Variants in PROKR1 observed in about 807,000 individuals in gnomAD.
PROKR1 encodes the protein G protein-coupled receptor 73.
PROKR1 carries 21 observed loss-of-function variants against 22.8 expected under a neutral mutation model. The observed-to-expected ratio is 0.92, with a 90% CI of 0.65 to 1.32. The LOEUF is 1.32. Ranked by LOEUF, PROKR1 falls within the 40% of genes most tolerant of loss-of-function variation. The pLI, the probability that PROKR1 is intolerant of heterozygous loss-of-function variation, is 0.00. For missense variants in PROKR1, 548 were observed against 514.2 expected (o/e 1.07, Z -0.64); for synonymous variants, 193 against 207.5 (o/e 0.93, Z 0.60).
chr2:68,652,881 C>A (rs555791167), intron 2 of PROKR1, among the ~76,000 whole-genome samples: 1 of 152,096 alleles, frequency 6.6e-6, no homozygotes, highest in African/African-American at 2.4e-5. Context: ...GGTGGTTGTT[C>A]CTTCCCACAT....
chr2:68,647,942 A>G (rs550414939), intron 2 of PROKR1, among the ~76,000 whole-genome samples: 29 of 152,322 alleles, frequency 1.9e-4, no homozygotes, highest in Non-Finnish European at 3.5e-4. Flanking sequence ...CAAGTAGAGT[A>G]TCTACTTCGT....
At chr2:68,647,951 G>C (rs1006881693) in intron 2 of PROKR1, among the ~76,000 whole-genome samples, 4 of 152,150 alleles carry the variant, frequency 2.6e-5, no homozygotes, top group Non-Finnish European at 5.9e-5. Flanking sequence ...TATCTACTTC[G>C]TAGGTTCCTT....
chr2:68,657,509 A>G lies in PROKR1; in HGVS notation c.*1933A>G, dbSNP rs559306496. 1.3e-5 allele frequency: 2 copies of G among 152,344 alleles called. No homozygotes were observed. The highest frequency in any genetic ancestry group is 3.9e-4 in the East Asian group (2 of 5,184). The allele number at this position is 152,344 out of a possible 1,614,324, so 9.4% of individuals were successfully genotyped here. A position where few individuals can be genotyped will look rare whatever the true frequency, so the allele number is the denominator to read the frequency against. On this transcript the variant is annotated 3_prime_UTR_variant, in exon 3 of 3. Transcript: ENST00000303786. The stretch of plus-strand genomic sequence containing the variant: ...ATGAGTTTAGGGGTTTGGATACTCC[A>G]GAATCGGAGTATCTTTGTGATACTA...
chr2:68,654,786 G>A (rs1432876935), intron 2 of PROKR1, 94 bp from the exon 3 acceptor site: 2 of 1,231,722 alleles, frequency 1.6e-6, no homozygotes, highest in African/African-American at 3.1e-5. Context: ...CAGCCTGGGT[G>A]ACAGAGCAAA....
chr2:68,657,648 T>A lies in PROKR1; in HGVS notation c.*2072T>A, dbSNP rs1388108141. 1 of 151,634 alleles carries A rather than the reference T, an allele frequency of 6.6e-6. No homozygotes were observed. The highest frequency in any genetic ancestry group is 1.5e-5 in the Non-Finnish European group (1 of 68,008). The allele number at this position is 151,634 out of a possible 1,614,324, so 9.4% of individuals were successfully genotyped here. On this transcript the variant is annotated 3_prime_UTR_variant, in exon 3 of 3. Transcript: ENST00000303786. ...CGAGTGTGTAGGCTACAGCGTGGAC[T>A]TGTCTTTTTCTTATTTAACTCTAGA...
In PROKR1 at chr2:68,657,255, G is replaced by A. The variant is rs11126189; in HGVS notation, c.*1679G>A. On this transcript the variant is annotated 3_prime_UTR_variant, in exon 3 of 3. Coordinates refer to ENST00000303786, the MANE Select transcript of PROKR1 (RefSeq NM_138964.4). Reference sequence around the variant, plus strand: ...ACCACACAAGTTATCAAAAGGATGGGCTAGGAACTACGTGTAGTGCGCCTG... The same window carrying A: ...ACCACACAAGTTATCAAAAGGATGGACTAGGAACTACGTGTAGTGCGCCTG... 0.37 allele frequency: 56,675 copies of A among 152,030 alleles called. 11,800 individuals carry two copies. Among genetic ancestry groups the A allele is most frequent in the African/African-American group, 0.57 (23,608 of 41,456 alleles). 9.4% of individuals were successfully genotyped at this position (152,030 alleles called of 1,614,324 possible).
At chr2:68,644,129 C>T (rs747969901) in intron 1 of PROKR1, among the ~76,000 whole-genome samples, 78 of 152,270 alleles carry the variant, frequency 5.1e-4, no homozygotes, top group Middle Eastern at 6.8e-3. Flanking sequence ...GATTGGGGTT[C>T]CCCTCTGAAC....
chr2:68,655,930 G>T lies in PROKR1; in HGVS notation c.*354G>T, dbSNP rs1673445342. ...CAAAAGAACTGGAGTAGGTATCTAG[G>T]ATTGCAGTACATGTGTTCGTAGTGT... On this transcript the variant is annotated 3_prime_UTR_variant, in exon 3 of 3. Transcript: ENST00000303786. The T allele has an allele frequency of 2.7e-6, 1 of 364,798 alleles. No homozygotes were observed. The highest frequency in any genetic ancestry group is 2.3e-5 in the South Asian group (1 of 43,524). The allele number at this position is 364,798 out of a possible 1,614,324, so 22.6% of individuals were successfully genotyped here.
intron 2 of PROKR1, among the ~76,000 whole-genome samples, chr2:68,648,665 T>G (rs1673242363): frequency 2.6e-5 from 4 of 152,246 alleles, no homozygotes. Flanking sequence ...TAGGAATCAT[T>G]AATTTTTCTC....
chr2:68,645,693 A>G lies in PROKR1; in HGVS notation c.-129A>G. On this transcript the variant is annotated 5_prime_UTR_variant, in exon 2 of 3. Transcript: ENST00000303786. ...AATGGAGCTCAGATACCATACCCCAAAGATGCTGGCAGAGACATTCTGACT... is the reference window on the plus strand; with the variant it reads ...AATGGAGCTCAGATACCATACCCCAGAGATGCTGGCAGAGACATTCTGACT... 1 of 1,310,480 alleles carries G rather than the reference A, an allele frequency of 7.6e-7. No individual in the cohort carries two copies. The highest frequency in any genetic ancestry group is 1.1e-6 in the Non-Finnish European group (1 of 921,422). The allele number at this position is 1,310,480 out of a possible 1,614,324, so 81.2% of individuals were successfully genotyped here.
In PROKR1 at chr2:68,655,279, A is replaced by G. The variant is rs894996921; in HGVS notation, c.885A>G (p.Leu295=). ...VLMCILTAYV[L]CWAPFYGFTI... is the part of the protein sequence containing the mutation. ...TGTGCATCCTCACCGCCTACGTGCT[A>G]TGCTGGGCGCCCTTCTACGGCTTCA... Residue 295 remains leucine, a synonymous_variant, in exon 3 of 3, where the codon CTA becomes CTG. Coordinates refer to ENST00000303786, the MANE Select transcript of PROKR1 (RefSeq NM_138964.4). The G allele has an allele frequency of 6.2e-7, 1 of 1,614,246 alleles. No homozygotes were observed. Among genetic ancestry groups the G allele is most frequent in the Non-Finnish European group, 8.5e-7 (1 of 1,180,056 alleles).
chr2:68,645,398 T>C (rs1402324845), intron 1 of PROKR1, among the ~76,000 whole-genome samples: 3 of 152,206 alleles, frequency 2.0e-5, no homozygotes, highest in African/African-American at 7.2e-5. Flanking sequence ...CTTTTGTCCT[T>C]GAGAAAAGGT....
chr2:68,652,239 A>C (rs1475800380), intron 2 of PROKR1, among the ~76,000 whole-genome samples: 1 of 152,186 alleles, frequency 6.6e-6, no homozygotes, highest in Non-Finnish European at 1.5e-5. Flanking sequence ...TTACCTATTT[A>C]GTAGGGTTGG....
intron 2 of PROKR1, among the ~76,000 whole-genome samples, chr2:68,650,059 A>G (rs1227478785): frequency 9.1e-6 from 1 of 109,614 alleles, no homozygotes; most frequent in Non-Finnish European, 1.7e-5. Context: ...CACTCTGGGG[A>G]CTGTTGTGGG....
chr2:68,650,983 A>G (rs908040829), intron 2 of PROKR1, among the ~76,000 whole-genome samples: 3 of 152,174 alleles, frequency 2.0e-5, no homozygotes, highest in Non-Finnish European at 4.4e-5. Flanking sequence ...TGGGTAAGAA[A>G]CACAAGGACA....
At chr2:68,649,958 G>T (rs1673278535) in intron 2 of PROKR1, among the ~76,000 whole-genome samples, 1 of 151,450 alleles carries the variant, frequency 6.6e-6, no homozygotes, top group African/African-American at 2.4e-5. Context: ...CCACTCTCCT[G>T]CTTAAAAACA....
intron 2 of PROKR1, among the ~76,000 whole-genome samples, chr2:68,653,653 C>G (rs925063817): frequency 2.6e-5 from 4 of 152,222 alleles, no homozygotes; most frequent in Non-Finnish European, 4.4e-5. Context: ...TCTCTCCTTC[C>G]CCAACTTCCA....
At chr2:68,654,746 T>G (rs1673402940) in intron 2 of PROKR1, 134 bp from the exon 3 acceptor site, 1 of 829,900 alleles carries the variant, frequency 1.2e-6, no homozygotes, top group Non-Finnish European at 1.9e-6. Flanking sequence ...TGCAGTGAGC[T>G]ATGATCATGC....
Position 68,655,894 on chromosome 2 carries a change from G to T in PROKR1, c.*318G>T. ...AATGTGGTGGTGTAGATAGAAATAA[G>T]GGAGTTTCCACAAAAGAACTGGAGT... On this transcript the variant is annotated 3_prime_UTR_variant, in exon 3 of 3. Transcript: ENST00000303786. 2.5e-6 allele frequency: 1 copy of T among 401,034 alleles called. No individual in the cohort carries two copies. Among genetic ancestry groups the T allele is most frequent in the African/African-American group, 2.0e-5 (1 of 48,806 alleles). 24.8% of individuals were successfully genotyped at this position (401,034 alleles called of 1,614,324 possible).
Sources: gnomAD v4.1 joint callset for allele counts (sites outside exome capture counted in the v4.1 genomes callset) on GRCh38, gnomAD v4.1.1 for gene constraint, MANE v1.5 for transcripts, NCBI Gene and HGNC (gene_info 2026-07-23, HGNC 2026-07-21) for gene names.